ZBTB20: variants seen among roughly 807,000 people sequenced by gnomAD.
ZBTB20 encodes the protein zinc finger and BTB domain containing 20.
Under a neutral mutation model 56.9 loss-of-function variants are expected in ZBTB20, and 9 were observed. That is an observed-to-expected ratio of 0.16 (90% CI 0.10 to 0.28). The LOEUF is 0.28. Ranked by LOEUF, ZBTB20 falls within the 10% of genes least tolerant of loss-of-function variation. The pLI is 1.00. For missense variants in ZBTB20, 655 were observed against 1,003.0 expected, an observed-to-expected ratio of 0.65 and a Z score of 4.69; for synonymous variants, 417 against 420.7, an observed-to-expected ratio of 0.99 and a Z score of 0.11.
At chr3:114,904,297 A>G (rs1352891333) in intron 3 of ZBTB20, 1 of 151,994 alleles carries the variant, frequency 6.6e-6, no homozygotes, top group Non-Finnish European at 1.5e-5. Context: ...CTACTTGCTA[A>G]TTCACTTAGA....
At position 114,343,695 on chromosome 3, in the gene ZBTB20, C is replaced by T. The variant is rs536557748; in HGVS notation, c.1805-4269G>A. Among the ~76,000 whole-genome samples, 12 of 152,324 alleles carry T rather than the reference C, an allele frequency of 7.9e-5. No homozygotes were observed. The Middle Eastern group carries it at 0.014, about 173-fold the overall frequency. ...CAATGGAAGTACATTCAGATGGAATCATATGGAGCTTTTACTGGCTGCAGA... is the reference window on the plus strand; with the variant it reads ...CAATGGAAGTACATTCAGATGGAATTATATGGAGCTTTTACTGGCTGCAGA... On this transcript the variant is annotated intron_variant, in intron 11 of 11. Coordinates refer to ENST00000675478, the MANE Select transcript of ZBTB20 (RefSeq NM_001348800.3).
chr3:115,015,928 TCCC>T (rs1157592626), intron 2 of ZBTB20, among the ~76,000 whole-genome samples: 2 of 151,744 alleles, frequency 1.3e-5, no homozygotes, highest in Non-Finnish European at 2.9e-5. Context: ...TAATTTACAC[TCCC>T]CCCAACAGTG....
intron 6 of ZBTB20, among the ~76,000 whole-genome samples, chr3:114,593,360 G>C (rs1027867871): frequency 6.0e-5 from 9 of 150,756 alleles, no homozygotes; most frequent in African/African-American, 1.7e-4. Context: ...GAGAGGGAGA[G>C]ATTTTTTTGT....
intron 6 of ZBTB20, among the ~76,000 whole-genome samples, chr3:114,675,130 T>C (rs929241660): frequency 1.3e-5 from 2 of 151,286 alleles, no homozygotes; most frequent in African/African-American, 4.8e-5. Context: ...TTATTTGCTG[T>C]ATAGCTAACA....
Position 114,416,803 on chromosome 3 carries a change from G to C in ZBTB20, c.-254-27698C>G, listed in dbSNP as rs186713177. Among the ~76,000 whole-genome samples, 490 of 152,160 alleles carry C rather than the reference G, an allele frequency of 3.2e-3. 6 individuals carry two copies. The highest frequency in any genetic ancestry group is 5.7e-4 in the Non-Finnish European group (39 of 67,972). On this transcript the variant is annotated intron_variant, in intron 7 of 11. Transcript: ENST00000675478. The stretch of plus-strand genomic sequence containing the variant: ...TGTATAGAGTCCCAAGCCCAGGAAT[G>C]AATGTGGTTTACTTCCAAATTTAAG...
intron 2 of ZBTB20, among the ~76,000 whole-genome samples, chr3:114,974,622 T>C (rs944780812): frequency 5.3e-5 from 8 of 152,150 alleles, no homozygotes; most frequent in African/African-American, 1.9e-4. Flanking sequence ...CCACTGCATA[T>C]ACATTTTTGA....
chr3:114,605,038 T>C (rs1337503538), intron 6 of ZBTB20, among the ~76,000 whole-genome samples: 1 of 151,966 alleles, frequency 6.6e-6, no homozygotes, highest in African/African-American at 2.4e-5. Flanking sequence ...TCTTCTATAA[T>C]ACTTAGGCGA....
chr3:114,598,983 A>T (rs965491225), intron 6 of ZBTB20, among the ~76,000 whole-genome samples: 2 of 152,100 alleles, frequency 1.3e-5, no homozygotes, highest in African/African-American at 4.8e-5. Flanking sequence ...GGGGGACCCA[A>T]AACAGCTTTA....
chr3:115,058,501 G>A lies in ZBTB20; in HGVS notation c.-507+12718C>T, dbSNP rs562313228. Among the ~76,000 whole-genome samples, 5 of 152,290 alleles carry A rather than the reference G, an allele frequency of 3.3e-5. No individual in the cohort carries two copies. In the East Asian group the frequency reaches 7.7e-4, roughly 24 times the overall value. On this transcript the variant is annotated intron_variant, in intron 2 of 11. Coordinates refer to ENST00000675478, the MANE Select transcript of ZBTB20 (RefSeq NM_001348800.3). ...CACAGCACTTTGGGAGGCTGAGGCA[G>A]GCAGATCACTTGAGGTCAGGAGTTT...
At chr3:114,562,404 C>T (rs2052188919) in intron 6 of ZBTB20, among the ~76,000 whole-genome samples, 1 of 152,100 alleles carries the variant, frequency 6.6e-6, no homozygotes, top group Non-Finnish European at 1.5e-5. Context: ...ACCTCATGAT[C>T]CACCTGCCTT....
intron 2 of ZBTB20, among the ~76,000 whole-genome samples, chr3:115,031,128 G>T (rs894408815): frequency 1.3e-5 from 2 of 151,326 alleles, no homozygotes; most frequent in Non-Finnish European, 3.0e-5. Flanking sequence ...AAATATTTGC[G>T]TTTGCTGAGT....
chr3:114,749,622 A>AGGAAGGAAGGAAGGAAG, intron 5 of ZBTB20, among the ~76,000 whole-genome samples: 3 of 150,060 alleles, frequency 2.0e-5, no homozygotes, highest in African/African-American at 7.3e-5. Flanking sequence ...GAAGGAAGGA[A>AGGAAGGAAGGAAGGAAG]TAAATTGGCT....
At chr3:114,480,745 C>T (rs1318527672) in intron 7 of ZBTB20, among the ~76,000 whole-genome samples, 1 of 151,924 alleles carries the variant, frequency 6.6e-6, no homozygotes. Flanking sequence ...ATATTTCAAG[C>T]ACAAAAATGA....
At chr3:114,451,492 T>C (rs1026535989) in intron 7 of ZBTB20, among the ~76,000 whole-genome samples, 21 of 152,032 alleles carry the variant, frequency 1.4e-4, no homozygotes, top group Non-Finnish European at 2.8e-4. Flanking sequence ...TGGCAAATAA[T>C]TAAACCAGTA....
intron 7 of ZBTB20, among the ~76,000 whole-genome samples, chr3:114,461,261 G>A (rs1371306021): frequency 1.3e-5 from 2 of 151,470 alleles, no homozygotes; most frequent in Non-Finnish European, 2.9e-5. Flanking sequence ...AGAAGCATGA[G>A]GCAGCTTAGG....
Position 114,778,134 on chromosome 3 carries a change from T to C in ZBTB20, c.-343+22967A>G, listed in dbSNP as rs866818540. Among the ~76,000 whole-genome samples the C allele has an allele frequency of 5.5e-5, 8 of 146,262 alleles. 1 individual carries two copies. The South Asian group carries it at 1.9e-3, about 34-fold the overall frequency. On this transcript the variant is annotated intron_variant, in intron 5 of 11. Coordinates refer to ENST00000675478, the MANE Select transcript of ZBTB20 (RefSeq NM_001348800.3). The stretch of plus-strand genomic sequence containing the variant: ...GGGGGAGGGATAGCATTAGGAGATA[T>C]ACCTAATGCTAAATGACGAGTTAAT...
intron 6 of ZBTB20, among the ~76,000 whole-genome samples, chr3:114,691,575 C>T (rs940306568): frequency 6.6e-6 from 1 of 151,870 alleles, no homozygotes; most frequent in Admixed American, 6.6e-5. Context: ...TCTTATTGGG[C>T]ATTTAGGTTA....
intron 7 of ZBTB20, among the ~76,000 whole-genome samples, chr3:114,480,807 C>T (rs1191709539): frequency 6.6e-6 from 1 of 151,558 alleles, no homozygotes; most frequent in Non-Finnish European, 1.5e-5. Flanking sequence ...GGTAAGTCAT[C>T]GGAAGGCTGG....
intron 7 of ZBTB20, among the ~76,000 whole-genome samples, chr3:114,499,288 C>T (rs61347051): frequency 0.089 from 13,587 of 152,190 alleles, 1,493 homozygotes; most frequent in African/African-American, 0.26. Flanking sequence ...TAAACTGTCA[C>T]GTTACACTTT....
Sources: gnomAD v4.1 joint callset for allele counts (sites outside exome capture counted in the v4.1 genomes callset) on GRCh38, gnomAD v4.1.1 for gene constraint, MANE v1.5 for transcripts, NCBI Gene and HGNC (gene_info 2026-07-23, HGNC 2026-07-21) for gene names.